ZNF516: variants seen among roughly 807,000 people sequenced by gnomAD.
ZNF516 encodes zinc finger protein 516.
ZNF516 carries 19 observed loss-of-function variants against 79.7 expected under a neutral mutation model. That is an observed-to-expected ratio of 0.24 (90% CI 0.17 to 0.35). ZNF516 has a LOEUF of 0.35. ZNF516 is among the 10% of genes least tolerant of loss of function. The pLI, the probability that ZNF516 is intolerant of heterozygous loss-of-function variation, is 1.00. For synonymous variants in ZNF516, 877 were observed against 739.5 expected, an observed-to-expected ratio of 1.19 and a Z score of -3.02; for missense variants, 1,678 against 1,679.5, an observed-to-expected ratio of 1.00 and a Z score of 0.02.
At chr18:76,492,564 C>T in intron 1 of ZNF516, 1 of 365,702 alleles carries the variant, frequency 2.7e-6, no homozygotes, top group Non-Finnish European at 3.8e-6. Flanking sequence ...CACTTTTCTA[C>T]GGAGTTCACA....
intron 3 of ZNF516, among the ~76,000 whole-genome samples, chr18:76,436,643 A>T (rs989161677): frequency 1.3e-5 from 2 of 152,082 alleles, no homozygotes; most frequent in South Asian, 2.1e-4. Flanking sequence ...CGCTTAGAAG[A>T]AGTACCATAT....
intron 1 of ZNF516, among the ~76,000 whole-genome samples, chr18:76,488,754 C>T (rs1208769467): frequency 6.6e-6 from 1 of 152,082 alleles, no homozygotes; most frequent in African/African-American, 2.4e-5. Context: ...TAATTAAATC[C>T]ATGTCTATCA....
At chr18:76,496,305 C>G (rs778092380), upstream of ZNF516, 6 of 1,289,544 alleles carry the variant, frequency 4.7e-6, no homozygotes, top group African/African-American at 6.1e-5. Context: ...TTCTCCTTCT[C>G]CTCGTGATAA....
chr18:76,405,745 G>C (rs1260180148), intron 3 of ZNF516, among the ~76,000 whole-genome samples: 1 of 152,016 alleles, frequency 6.6e-6, no homozygotes, highest in African/African-American at 2.4e-5. Flanking sequence ...ACACACGCGT[G>C]ATGAATGCGT....
At chr18:76,433,936 C>T (rs1230506413) in intron 3 of ZNF516, among the ~76,000 whole-genome samples, 5 of 152,204 alleles carry the variant, frequency 3.3e-5, no homozygotes, top group Non-Finnish European at 7.3e-5. Flanking sequence ...CATGGCATCA[C>T]ACCTCTCCTG....
intron 3 of ZNF516, among the ~76,000 whole-genome samples, chr18:76,422,546 G>C (rs933835671): frequency 2.6e-5 from 4 of 152,188 alleles, no homozygotes; most frequent in Non-Finnish European, 5.9e-5. Context: ...AAGAGAAGTA[G>C]GACTCTGTAT....
chr18:76,374,797 C>T (rs2074760857), intron 4 of ZNF516, among the ~76,000 whole-genome samples: 1 of 152,194 alleles, frequency 6.6e-6, no homozygotes, highest in Non-Finnish European at 1.5e-5. Flanking sequence ...AAGTTGTGAT[C>T]TTTACAGCTG....
rs374464151 is a variant in ZNF516 at position 76,480,529 on chromosome 18, A to ATATATATTTT, written c.-272+14614_-272+14615insAAAATATATA. On this transcript the variant is annotated intron_variant, in intron 1 of 6. Transcript: ENST00000443185. Reference sequence around the variant, plus strand: ...CACACACACACACACACACACATATATTTTTTTTTTTGAGACGGAGTCTTG... The same window carrying ATATATATTTT: ...CACACACACACACACACACACATATATATATATTTTTTTTTTTTTTTGAGACGGAGTCTTG... 3.1e-3 allele frequency among the ~76,000 whole-genome samples: 441 copies of ATATATATTTT among 142,048 alleles called. 4 individuals are homozygous for ATATATATTTT. Among genetic ancestry groups the ATATATATTTT allele is most frequent in the Non-Finnish European group, 4.0e-3 (260 of 65,240 alleles). 93.2% of individuals were successfully genotyped at this position (142,048 alleles called of 152,430 possible).
intron 4 of ZNF516, among the ~76,000 whole-genome samples, chr18:76,375,788 A>C (rs991535716): frequency 6.8e-6 from 1 of 147,758 alleles, no homozygotes; most frequent in Non-Finnish European, 1.5e-5. Flanking sequence ...GGAAGGCCCC[A>C]AAGACCAGGT....
chr18:76,374,415 A>G lies in ZNF516; in HGVS notation c.3260-2844T>C, dbSNP rs1380559618. Among the ~76,000 whole-genome samples the G allele has an allele frequency of 3.9e-5, 6 of 152,314 alleles. No homozygotes were observed. The East Asian group carries it at 9.6e-4, about 24-fold the overall frequency. ...AAAATGCAGTGGGTTTTTCTTCTTA[A>G]ATGGTCAGGGAGTCCCTAAAGGAGG... On this transcript the variant is annotated intron_variant, in intron 4 of 6. Coordinates refer to ENST00000443185, the MANE Select transcript of ZNF516 (RefSeq NM_014643.4).
chr18:76,487,590 C>A (rs1296476940), intron 1 of ZNF516, among the ~76,000 whole-genome samples: 1 of 152,154 alleles, frequency 6.6e-6, no homozygotes, highest in East Asian at 1.9e-4. Context: ...ATTAATTATT[C>A]ATAAATGTAA....
At chr18:76,474,664 G>T (rs1028301381) in intron 1 of ZNF516, among the ~76,000 whole-genome samples, 2 of 152,002 alleles carry the variant, frequency 1.3e-5, no homozygotes, top group Non-Finnish European at 2.9e-5. Context: ...ATTTTAAAGA[G>T]TAACAATAAA....
chr18:76,403,543 C>T (rs1464964965), intron 3 of ZNF516, among the ~76,000 whole-genome samples: 2 of 152,132 alleles, frequency 1.3e-5, no homozygotes, highest in East Asian at 1.9e-4. Flanking sequence ...CAGGGGTCAG[C>T]GACTGTACAA....
chr18:76,428,346 T>A (rs2075620888), intron 3 of ZNF516, among the ~76,000 whole-genome samples: 1 of 146,306 alleles, frequency 6.8e-6, no homozygotes, highest in African/African-American at 2.6e-5. Context: ...TGAGCCGAGA[T>A]CGCACCACTG....
At position 76,360,813 on chromosome 18, in the gene ZNF516, AATAATAAT is replaced by A. The variant is rs2074525175; in HGVS notation, c.*1677_*1684del. The A allele has an allele frequency of 1.4e-5, 2 of 142,068 alleles. No homozygotes were observed. Among genetic ancestry groups the A allele is most frequent in the African/African-American group, 5.4e-5 (2 of 37,276 alleles). 8.8% of individuals were successfully genotyped at this position (142,068 alleles called of 1,614,324 possible). A position where few individuals can be genotyped will look rare whatever the true frequency, so the allele number is the denominator to read the frequency against. On this transcript the variant is annotated 3_prime_UTR_variant, in exon 7 of 7. Transcript: ENST00000443185. ...CAATAACAATAATAATAATAATAAT[AATAATAAT>A]ATAATAATATTCAACAAATCATTAG...
intron 2 of ZNF516, among the ~76,000 whole-genome samples, chr18:76,462,168 C>T (rs1406428612): frequency 1.3e-5 from 2 of 152,174 alleles, no homozygotes; most frequent in African/African-American, 4.8e-5. Context: ...GCCCACGGGA[C>T]ACACTTCCAC....
rs2074499100 is a variant in ZNF516, at chr18:76,359,391, C to T, written c.*3107G>A. The T allele has an allele frequency of 6.6e-6, 1 of 152,088 alleles. No homozygotes were observed. Among genetic ancestry groups the T allele is most frequent in the Non-Finnish European group, 1.5e-5 (1 of 68,022 alleles). 9.4% of individuals were successfully genotyped at this position (152,088 alleles called of 1,614,324 possible). A position where few individuals can be genotyped will look rare whatever the true frequency, so the allele number is the denominator to read the frequency against. On this transcript the variant is annotated 3_prime_UTR_variant, in exon 7 of 7. Transcript: ENST00000443185. ...CCAGGGAACCAGGCAGAAAGGTGGG[C>T]AGGTACAGTGGCCAATTTCCCAGAG...
intron 3 of ZNF516, among the ~76,000 whole-genome samples, chr18:76,416,777 A>C (rs2075437581): frequency 6.6e-6 from 1 of 152,220 alleles, no homozygotes; most frequent in African/African-American, 2.4e-5. Context: ...CATTTAAAAC[A>C]CATTCTCCCC....
At chr18:76,383,171 G>A (rs1205965440) in intron 3 of ZNF516, among the ~76,000 whole-genome samples, 4 of 152,156 alleles carry the variant, frequency 2.6e-5, no homozygotes, top group Non-Finnish European at 2.9e-5. Flanking sequence ...GAGGGCGGGA[G>A]AGAAGCATGA....
Sources: gnomAD v4.1 joint callset for allele counts (sites outside exome capture counted in the v4.1 genomes callset) on GRCh38, gnomAD v4.1.1 for gene constraint, MANE v1.5 for transcripts, NCBI Gene and HGNC (gene_info 2026-07-23, HGNC 2026-07-21) for gene names.